Variants in MCUB observed in about 807,000 individuals in gnomAD.
The protein encoded by MCUB is calcium uniporter regulatory subunit MCUb, mitochondrial.
MCUB carries 46 observed loss-of-function variants against 41.4 expected under a neutral mutation model. The ratio of observed to expected loss-of-function variants is 1.11; its 90% CI spans 0.88 to 1.42. MCUB has a LOEUF of 1.42. Ranked by LOEUF, MCUB falls within the 40% of genes most tolerant of loss-of-function variation. The pLI, the probability that MCUB is intolerant of heterozygous loss-of-function variation, is 0.00. For synonymous variants in MCUB, 148 were observed against 148.2 expected, an observed-to-expected ratio of 1.00 and a Z score of 0.01; for missense variants, 403 against 404.9, an observed-to-expected ratio of 1.00 and a Z score of 0.04.
intron 1 of MCUB, among the ~76,000 whole-genome samples, chr4:109,628,651 T>C (rs1728411918): frequency 6.6e-6 from 1 of 152,128 alleles, no homozygotes; most frequent in South Asian, 2.1e-4. Context: ...GAAAGCCTGG[T>C]TTTTGGCTTG....
At chr4:109,612,607 T>G (rs918173315) in intron 1 of MCUB, among the ~76,000 whole-genome samples, 1 of 152,082 alleles carries the variant, frequency 6.6e-6, no homozygotes, top group African/African-American at 2.4e-5. Flanking sequence ...GGGTGCTCCA[T>G]ACTCATGAGC....
At chr4:109,582,212 T>C (rs1727195076) in intron 1 of MCUB, among the ~76,000 whole-genome samples, 1 of 151,410 alleles carries the variant, frequency 6.6e-6, no homozygotes, top group Admixed American at 6.6e-5. Flanking sequence ...AAAGGATGAG[T>C]TCATGTCCTT....
Position 109,685,256 on chromosome 4 carries a change from T to C in MCUB, c.822T>C (p.Tyr274=). The C allele has an allele frequency of 7.6e-7, 1 of 1,310,676 alleles. No individual in the cohort carries two copies. Among genetic ancestry groups the C allele is most frequent in the Non-Finnish European group, 1.1e-6 (1 of 907,202 alleles). 81.2% of individuals were successfully genotyped at this position (1,310,676 alleles called of 1,614,324 possible). Residue 274 remains tyrosine (Y), a synonymous_variant, in exon 7 of 8, where the codon TAT becomes TAC. Coordinates refer to ENST00000394650, the MANE Select transcript of MCUB (RefSeq NM_017918.5). ...TCTCTCTCTTTTTTTTTAAGGATTATACTTACTCAGCTGTTAAGAGTAGGC... is the reference window on the plus strand; with the variant it reads ...TCTCTCTCTTTTTTTTTAAGGATTACACTTACTCAGCTGTTAAGAGTAGGC... ...FAYFIVTRQD[Y]TYSAVKSRQF...
At chr4:109,568,804 G>T (rs538993998) in intron 1 of MCUB, among the ~76,000 whole-genome samples, 1 of 152,106 alleles carries the variant, frequency 6.6e-6, no homozygotes, top group Non-Finnish European at 1.5e-5. Context: ...GATCCCCTCT[G>T]CCCTGGCACA....
At chr4:109,641,194 G>A (rs968123274) in intron 1 of MCUB, among the ~76,000 whole-genome samples, 2 of 151,700 alleles carry the variant, frequency 1.3e-5, no homozygotes, top group African/African-American at 4.8e-5. Context: ...CCGGGTTCAC[G>A]CCATTCTCCT....
chr4:109,681,445 C>T (rs1023097927), intron 4 of MCUB: 39 of 453,440 alleles, frequency 8.6e-5, no homozygotes, highest in Non-Finnish European at 1.5e-4. Flanking sequence ...AGAGTGTTAC[C>T]GGGGGTCCTT....
At chr4:109,603,578 G>GTT (rs1323710881) in intron 1 of MCUB, among the ~76,000 whole-genome samples, 1 of 150,478 alleles carries the variant, frequency 6.6e-6, no homozygotes, top group Admixed American at 6.6e-5. Context: ...GGTGAGGAGC[G>GTT]TCTCTACCTG....
intron 6 of MCUB, 88 bp downstream of exon 6, chr4:109,684,734 T>TA (rs1729798424): frequency 1.5e-6 from 1 of 660,416 alleles, no homozygotes; most frequent in African/African-American, 1.8e-5. Flanking sequence ...CCTTTTTATT[T>TA]ACTGAATTAC....
intron 1 of MCUB, among the ~76,000 whole-genome samples, chr4:109,570,010 C>T (rs1411054315): frequency 5.9e-5 from 9 of 152,190 alleles, no homozygotes; most frequent in Admixed American, 5.9e-4. Context: ...TAGAGCATAA[C>T]ATTTTGTCTC....
In MCUB at chr4:109,572,312, C is replaced by A. The variant is rs148080234; in HGVS notation, c.99+11876C>A. Among the ~76,000 whole-genome samples the A allele has an allele frequency of 1.6e-3, 240 of 152,294 alleles. 3 individuals are homozygous for A. The highest frequency in any genetic ancestry group is 5.4e-3 in the African/African-American group (224 of 41,572). On this transcript the variant is annotated intron_variant, in intron 1 of 7. Coordinates refer to ENST00000394650, the MANE Select transcript of MCUB (RefSeq NM_017918.5). ...AGAACTGAAGTTTATGCAATAACAT[C>A]TGATAAGGAAGAAAATAAATATAGC... is the stretch of plus-strand genomic sequence containing the variant.
At chr4:109,674,489 A>G (rs931785449) in intron 4 of MCUB, among the ~76,000 whole-genome samples, 4 of 152,250 alleles carry the variant, frequency 2.6e-5, no homozygotes, top group African/African-American at 4.8e-5. Context: ...TGGATGTTGT[A>G]TAAGAGTCCT....
At chr4:109,570,571 TG>T (rs780471532) in intron 1 of MCUB, among the ~76,000 whole-genome samples, 99 of 152,228 alleles carry the variant, frequency 6.5e-4, no homozygotes, top group Non-Finnish European at 8.4e-4. Context: ...TGAATAAGCA[TG>T]GTTGTGTTCC....
chr4:109,675,297 C>T (rs1339127228), intron 4 of MCUB, among the ~76,000 whole-genome samples: 2 of 152,208 alleles, frequency 1.3e-5, no homozygotes, highest in African/African-American at 4.8e-5. Flanking sequence ...AGACTCTCAC[C>T]TTGACTAAAC....
chr4:109,630,152 CTTTTT>C (rs5860983), intron 1 of MCUB, among the ~76,000 whole-genome samples: 85,100 of 151,388 alleles, frequency 0.56, 24,063 homozygotes, highest in East Asian at 0.72. Context: ...TGCTTTTTTT[CTTTTT>C]ATCAGATTAA....
At chr4:109,669,484 T>C (rs1729409951) in intron 4 of MCUB, among the ~76,000 whole-genome samples, 1 of 152,186 alleles carries the variant, frequency 6.6e-6, no homozygotes, top group African/African-American at 2.4e-5. Context: ...GAAAATGATA[T>C]ACGTATGTGT....
intron 1 of MCUB, among the ~76,000 whole-genome samples, chr4:109,606,245 G>T (rs1416903612): frequency 6.6e-6 from 1 of 152,056 alleles, no homozygotes; most frequent in Non-Finnish European, 1.5e-5. Flanking sequence ...AAAGTGCTGG[G>T]ATTACAGGTG....
At chr4:109,586,635 T>C (rs1055811008) in intron 1 of MCUB, among the ~76,000 whole-genome samples, 12 of 152,212 alleles carry the variant, frequency 7.9e-5, no homozygotes, top group African/African-American at 2.9e-4. Context: ...AGATGGGGTT[T>C]TGGTGTGGAT....
Position 109,624,890 on chromosome 4 carries a change from A to G in MCUB, c.100-34121A>G, listed in dbSNP as rs1579071131. Among the ~76,000 whole-genome samples the G allele has an allele frequency of 2.0e-5, 3 of 152,328 alleles. No individual in the cohort carries two copies. The South Asian group carries it at 6.2e-4, about 32-fold the overall frequency. ...GCTGGTGGCTCACACCTGTAATCCC[A>G]GCATTTTGGGAGGCCAAGGTGGGTG... On this transcript the variant is annotated intron_variant, in intron 1 of 7. Coordinates refer to ENST00000394650, the MANE Select transcript of MCUB (RefSeq NM_017918.5).
chr4:109,561,336 C>T (rs551560920), intron 1 of MCUB, among the ~76,000 whole-genome samples: 7 of 152,198 alleles, frequency 4.6e-5, no homozygotes, highest in Non-Finnish European at 7.3e-5. Context: ...GTGTGATTCT[C>T]TTGTCACTTT....
Sources: gnomAD v4.1 joint callset for allele counts (sites outside exome capture counted in the v4.1 genomes callset) on GRCh38, gnomAD v4.1.1 for gene constraint, MANE v1.5 for transcripts, NCBI Gene and HGNC (gene_info 2026-07-23, HGNC 2026-07-21) for gene names.